CFTR: variants seen among roughly 807,000 people sequenced by gnomAD.
CFTR encodes cystic fibrosis transmembrane conductance regulator.
In CFTR, 181 loss-of-function variants were observed where a neutral mutation model predicts 171.6. The observed-to-expected ratio is 1.05, with a 90% CI of 0.93 to 1.19. The LOEUF is 1.19. Ranked by LOEUF, CFTR falls within the 50% of genes most tolerant of loss-of-function variation. The pLI is 0.00. For missense variants in CFTR, 1,968 were observed against 1,734.7 expected, an observed-to-expected ratio of 1.13 and a Z score of -2.39; for synonymous variants, 583 against 608.0, an observed-to-expected ratio of 0.96 and a Z score of 0.60.
intron 22 of CFTR, among the ~76,000 whole-genome samples, chr7:117,631,639 G>A (rs1351556981): frequency 3.9e-5 from 6 of 152,238 alleles, no homozygotes; most frequent in Non-Finnish European, 8.8e-5. Flanking sequence ...GAGGTGCTCA[G>A]AAGGTGGTAT....
intron 3 of CFTR, among the ~76,000 whole-genome samples, chr7:117,520,166 C>T (rs1474816081): frequency 1.3e-5 from 2 of 148,626 alleles, no homozygotes; most frequent in Non-Finnish European, 3.0e-5. Context: ...CTTTCATGTT[C>T]TTTGTGTGTT....
At chr7:117,494,257 T>A (rs936948040) in intron 1 of CFTR, among the ~76,000 whole-genome samples, 7 of 151,994 alleles carry the variant, frequency 4.6e-5, no homozygotes, top group Non-Finnish European at 1.0e-4. Flanking sequence ...ATTTTTTTTT[T>A]AATTTTGGGG....
intron 22 of CFTR, among the ~76,000 whole-genome samples, chr7:117,634,447 G>GT (rs1231176920): frequency 6.6e-6 from 1 of 151,710 alleles, no homozygotes. Context: ...TTGTTTTATT[G>GT]ATTTTCTCTG....
intron 18 of CFTR, among the ~76,000 whole-genome samples, chr7:117,610,085 A>G (rs1308027951): frequency 6.6e-6 from 1 of 151,654 alleles, no homozygotes; most frequent in Non-Finnish European, 1.5e-5. Flanking sequence ...TGTCCTTTGT[A>G]GGGACATGGA....
At chr7:117,657,313 C>T (rs553225025) in intron 24 of CFTR, among the ~76,000 whole-genome samples, 33 of 152,250 alleles carry the variant, frequency 2.2e-4, no homozygotes, top group Non-Finnish European at 4.1e-4. Flanking sequence ...TATACTTTTA[C>T]TGTTCTCCTT....
In CFTR at chr7:117,656,593, G is replaced by A. The variant is rs146441631; in HGVS notation, c.3963+3662G>A. Among the ~76,000 whole-genome samples the A allele has an allele frequency of 1.8e-3, 273 of 152,212 alleles. 1 individual carries two copies. Among genetic ancestry groups the A allele is most frequent in the African/African-American group, 6.0e-3 (248 of 41,542 alleles). On this transcript the variant is annotated intron_variant, in intron 24 of 26. Coordinates refer to ENST00000003084, the MANE Select transcript of CFTR (RefSeq NM_000492.4). ...GGGGAGGAGAGCTGGAGAAATTCTC[G>A]AAATTCTGGGTTTCTTTAACAGAAT...
At chr7:117,551,378 T>A (rs1227735233) in intron 10 of CFTR, among the ~76,000 whole-genome samples, 1 of 152,220 alleles carries the variant, frequency 6.6e-6, no homozygotes, top group African/African-American at 2.4e-5. Context: ...ATCATATGTA[T>A]GTATATATGT....
At chr7:117,657,090 A>C (rs552031917) in intron 24 of CFTR, among the ~76,000 whole-genome samples, 1 of 152,326 alleles carries the variant, frequency 6.6e-6, no homozygotes, top group East Asian at 1.9e-4. Context: ...AATGCACTAT[A>C]GGAACACAAT....
chr7:117,554,374 TC>T (rs555801835), intron 10 of CFTR, among the ~76,000 whole-genome samples: 211 of 152,262 alleles, frequency 1.4e-3, no homozygotes, highest in African/African-American at 4.7e-3. Context: ...CAAAGATGAT[TC>T]CAAGCTTTCT....
intron 2 of CFTR, among the ~76,000 whole-genome samples, chr7:117,507,187 G>A (rs1798433315): frequency 6.6e-6 from 1 of 152,132 alleles, no homozygotes; most frequent in Non-Finnish European, 1.5e-5. Context: ...CCTACTCTTG[G>A]TGCTAACAAT....
In CFTR at chr7:117,667,299, G is replaced by A; in HGVS notation, c.*191G>A. The A allele has an allele frequency of 3.3e-6, 2 of 608,550 alleles. No homozygotes were observed. Among genetic ancestry groups the A allele is most frequent in the Non-Finnish European group, 5.9e-6 (2 of 337,304 alleles). 37.7% of individuals were successfully genotyped at this position (608,550 alleles called of 1,614,324 possible). On this transcript the variant is annotated 3_prime_UTR_variant, in exon 27 of 27. Transcript: ENST00000003084. ...ACACTGATATGGGTCTTGATAAATG[G>A]CTTCCTGGCAATAGTCAAATTGTGT... is the stretch of plus-strand genomic sequence containing the variant.
In CFTR at chr7:117,639,961, C is replaced by T. The variant is rs75039782; in HGVS notation, c.3718-2477C>T. 1.2e-4 allele frequency among the ~76,000 whole-genome samples: 18 copies of T among 152,004 alleles called. No homozygotes were observed. Among genetic ancestry groups the T allele is most frequent in the South Asian group, 6.2e-4 (3 of 4,828 alleles). ...TCCATCTGTTGCAGTATTAAAATGG[C>T]GAGTAAGACACCCTGAAAGGAAATG... On this transcript the variant is annotated intron_variant, in intron 22 of 26. Transcript: ENST00000003084.
At chr7:117,664,157 G>A (rs1229195596) in intron 24 of CFTR, among the ~76,000 whole-genome samples, 1 of 152,128 alleles carries the variant, frequency 6.6e-6, no homozygotes, top group Non-Finnish European at 1.5e-5. Context: ...CCCCACAGTT[G>A]ACTATTTTAT....
At chr7:117,482,736 C>T (rs1798017011) in intron 1 of CFTR, among the ~76,000 whole-genome samples, 1 of 152,172 alleles carries the variant, frequency 6.6e-6, no homozygotes, top group South Asian at 2.1e-4. Flanking sequence ...TTTACATTTT[C>T]TCACAACTTT....
chr7:117,661,544 T>C (rs1214652543), intron 24 of CFTR, among the ~76,000 whole-genome samples: 1 of 152,162 alleles, frequency 6.6e-6, no homozygotes. Flanking sequence ...GACCAAAATC[T>C]CCACCCTGTT....
chr7:117,520,019 A>G (rs1798661735), intron 3 of CFTR, among the ~76,000 whole-genome samples: 1 of 152,006 alleles, frequency 6.6e-6, no homozygotes, highest in Admixed American at 6.6e-5. Context: ...ATAGATATTT[A>G]AATAAAGTTT....
intron 11 of CFTR, among the ~76,000 whole-genome samples, chr7:117,584,926 T>C (rs2097609): frequency 1.3e-5 from 2 of 149,596 alleles, no homozygotes; most frequent in Non-Finnish European, 3.0e-5. Context: ...AGTTTTTTTT[T>C]TTTGTTTGTT....
chr7:117,591,833 G>C, intron 13 of CFTR, 101 bp from the exon 14 acceptor site: 2 of 686,722 alleles, frequency 2.9e-6, no homozygotes, highest in African/African-American at 1.8e-5. Flanking sequence ...TTGTATGATA[G>C]AGATTATATG....
intron 15 of CFTR, among the ~76,000 whole-genome samples, chr7:117,600,861 T>A (rs1792212972): frequency 6.6e-6 from 1 of 152,094 alleles, no homozygotes; most frequent in Non-Finnish European, 1.5e-5. Flanking sequence ...CAGAACTTGC[T>A]TACTCAATTG....
Sources: gnomAD v4.1 joint callset for allele counts (sites outside exome capture counted in the v4.1 genomes callset) on GRCh38, gnomAD v4.1.1 for gene constraint, MANE v1.5 for transcripts, NCBI Gene and HGNC (gene_info 2026-07-23, HGNC 2026-07-21) for gene names.